GTF3C2: variants seen among roughly 807,000 people sequenced by gnomAD.
GTF3C2 encodes general transcription factor IIIC subunit 2, also known as general transcription factor 3C polypeptide 2.
GTF3C2 carries 17 observed loss-of-function variants against 117.4 expected under a neutral mutation model. The observed-to-expected ratio is 0.14, with a 90% CI of 0.10 to 0.22. GTF3C2 has a LOEUF of 0.22. Among genes scored for constraint, GTF3C2 ranks in the 10% least tolerant of loss-of-function variants. The pLI is 1.00. For missense variants in GTF3C2, 888 were observed against 1,143.6 expected (o/e 0.78, Z 3.22); for synonymous variants, 437 against 427.0 (o/e 1.02, Z -0.29).
At chr2:27,337,105 T>C (rs1287170390) in intron 7 of GTF3C2, 139 bp downstream of exon 7, 6 of 632,916 alleles carry the variant, frequency 9.5e-6, no homozygotes, top group Admixed American at 2.9e-5. Flanking sequence ...TGACCAGCTC[T>C]AGTCAGCACT....
intron 4 of GTF3C2, among the ~76,000 whole-genome samples, chr2:27,339,331 C>T (rs994166051): frequency 6.9e-6 from 1 of 145,750 alleles, no homozygotes; most frequent in Middle Eastern, 3.4e-3. Context: ...TGCTTGAACC[C>T]GGGAGGGGTG....
At chr2:27,344,119 G>A (rs1680837184) in intron 1 of GTF3C2, among the ~76,000 whole-genome samples, 1 of 151,724 alleles carries the variant, frequency 6.6e-6, no homozygotes, top group African/African-American at 2.4e-5. Context: ...CCACCTCCTG[G>A]GTTCAAGCAA....
intron 1 of GTF3C2, among the ~76,000 whole-genome samples, chr2:27,354,029 G>A (rs1163581454): frequency 2.1e-5 from 3 of 141,686 alleles, no homozygotes; most frequent in Non-Finnish European, 4.5e-5. Flanking sequence ...AGCCTATAAC[G>A]TATGTATAAA....
In GTF3C2 at chr2:27,343,293, G is replaced by A; in HGVS notation, c.247+15C>T. On this transcript the variant is annotated intron_variant, in intron 2 of 18. Transcript: ENST00000264720. Reference sequence around the variant, plus strand: ...TGGCATGGGGAATAAAAAGATAAGAGGACAAGGTACATACCTGGCTGTTCC... The same window carrying A: ...TGGCATGGGGAATAAAAAGATAAGAAGACAAGGTACATACCTGGCTGTTCC... 6.2e-7 allele frequency: 1 copy of A among 1,609,990 alleles called. No homozygotes were observed. Among genetic ancestry groups the A allele is most frequent in the Non-Finnish European group, 8.5e-7 (1 of 1,177,598 alleles).
At chr2:27,338,177 A>G (rs1209381787) in intron 4 of GTF3C2, 157 bp from the exon 5 acceptor site, 4 of 633,470 alleles carry the variant, frequency 6.3e-6, no homozygotes, top group African/African-American at 5.5e-5. Flanking sequence ...TTCAACCACT[A>G]TAATGACTTC....
chr2:27,326,644 C>T, exon 19 of GTF3C2: 3 of 1,544,996 alleles, frequency 1.9e-6, no homozygotes, highest in Non-Finnish European at 2.7e-6. Context: ...TCTTGACCGA[C>T]TTCACTCCAA....
chr2:27,343,105 G>A (rs749707012), exon 3 of GTF3C2: 2 of 1,607,152 alleles, frequency 1.2e-6, no homozygotes, highest in Non-Finnish European at 8.5e-7. Context: ...GCCAGGCTTT[G>A]AGGCCCTAGG....
intron 1 of GTF3C2, among the ~76,000 whole-genome samples, chr2:27,351,402 A>C (rs1347497066): frequency 6.6e-6 from 1 of 152,190 alleles, no homozygotes; most frequent in African/African-American, 2.4e-5. Context: ...TGACAGAGTG[A>C]GACTCCATCT....
Position 27,342,764 on chromosome 2 carries a change from C to A in GTF3C2, c.569+62G>T, listed in dbSNP as rs1680779969. ...CTCATCAGTCTTCTCTCTCCAACATCTGCCCCACCCTGATCCCTTCACCCA... is the reference window on the plus strand; with the variant it reads ...CTCATCAGTCTTCTCTCTCCAACATATGCCCCACCCTGATCCCTTCACCCA... On this transcript the variant is annotated intron_variant, in intron 3 of 18. Coordinates refer to ENST00000264720, the Ensembl canonical transcript of GTF3C2. The A allele has an allele frequency of 1.1e-5, 14 of 1,245,686 alleles. No homozygotes were observed. The South Asian group carries it at 1.6e-4, about 14-fold the overall frequency. 77.2% of individuals were successfully genotyped at this position (1,245,686 alleles called of 1,614,324 possible). A position where few individuals can be genotyped will look rare whatever the true frequency, so the allele number is the denominator to read the frequency against.
chr2:27,327,623 CCT>C (rs1491378486), intron 17 of GTF3C2, among the ~76,000 whole-genome samples: 7 of 140,906 alleles, frequency 5.0e-5, no homozygotes, highest in South Asian at 2.2e-4. Flanking sequence ...TACGCCTGGC[CCT>C]TTTTTTTTTT....
intron 1 of GTF3C2, among the ~76,000 whole-genome samples, chr2:27,355,390 C>G (rs1438374925): frequency 6.6e-6 from 1 of 151,974 alleles, no homozygotes; most frequent in African/African-American, 2.4e-5. Flanking sequence ...CATGGTGGCA[C>G]GCGCCTGTAA....
At chr2:27,336,497 C>A (rs1184425743) in intron 7 of GTF3C2, 72 bp from the exon 8 acceptor site, 9 of 886,692 alleles carry the variant, frequency 1.0e-5, no homozygotes, top group Non-Finnish European at 1.5e-5. Context: ...GGGCGCTCCA[C>A]CCAGAGCCAG....
At chr2:27,353,350 T>G (rs1482232744) in intron 1 of GTF3C2, among the ~76,000 whole-genome samples, 1 of 144,706 alleles carries the variant, frequency 6.9e-6, no homozygotes. Flanking sequence ...ACCACTGCAC[T>G]CCAGCCTGGC....
intron 1 of GTF3C2, 164 bp from the exon 2 acceptor site, chr2:27,343,742 T>C (rs1680826117): frequency 1.7e-6 from 1 of 600,522 alleles, no homozygotes; most frequent in African/African-American, 1.9e-5. Flanking sequence ...ATGTCAGGAC[T>C]GTTCTGGAAA....
At chr2:27,341,544 A>C (rs1680730835) in intron 4 of GTF3C2, 1 of 170,750 alleles carries the variant, frequency 5.9e-6, no homozygotes, top group Non-Finnish European at 1.3e-5. Context: ...CTCTCTGGCA[A>C]ACTTCTACTT....
At chr2:27,342,391 C>T (rs895257513) in intron 3 of GTF3C2, 158 bp from the exon 4 acceptor site, 2 of 632,478 alleles carry the variant, frequency 3.2e-6, no homozygotes, top group Non-Finnish European at 5.3e-6. Context: ...GATGAAAAAC[C>T]AGAAATCTAA....
At chr2:27,352,301 C>T (rs1681166186) in intron 1 of GTF3C2, among the ~76,000 whole-genome samples, 1 of 152,178 alleles carries the variant, frequency 6.6e-6, no homozygotes, top group Non-Finnish European at 1.5e-5. Flanking sequence ...CCCCTACATG[C>T]TCTCCCCCTA....
chr2:27,355,856 T>C (rs879306983), intron 1 of GTF3C2, among the ~76,000 whole-genome samples: 1 of 152,228 alleles, frequency 6.6e-6, no homozygotes, highest in Non-Finnish European at 1.5e-5. Flanking sequence ...TTTTAATGAC[T>C]AGTGCTTTTA....
chr2:27,355,390 C>T (rs1438374925), intron 1 of GTF3C2, among the ~76,000 whole-genome samples: 2 of 151,974 alleles, frequency 1.3e-5, no homozygotes, highest in African/African-American at 2.4e-5. Context: ...CATGGTGGCA[C>T]GCGCCTGTAA....
Sources: allele counts gnomAD v4.1 joint callset (sites outside exome capture counted in the v4.1 genomes callset), GRCh38; gene constraint gnomAD v4.1.1; transcripts MANE v1.5; gene names NCBI Gene and HGNC (gene_info 2026-07-23, HGNC 2026-07-21).